The following CAST variants were observed in gnomAD, a reference collection of about 807,000 sequenced individuals.
CAST encodes calpastatin, also known as MIR583 host.
In CAST, 76 loss-of-function variants were observed where a neutral mutation model predicts 119.6. That is an observed-to-expected ratio of 0.64 (90% confidence interval 0.53 to 0.77). CAST has a LOEUF of 0.77. CAST is among the 30% of genes least tolerant of loss of function. The pLI is 0.00. For synonymous variants in CAST, 319 were observed against 331.6 expected, an observed-to-expected ratio of 0.96 and a Z score of 0.41; for missense variants, 953 against 946.5, an observed-to-expected ratio of 1.01 and a Z score of -0.09.
chr5:95,985,255 A>G, the CAST span, among the ~76,000 whole-genome samples: 1 of 152,334 alleles, frequency 6.6e-6, no homozygotes, highest in African/African-American at 2.4e-5. Context: ...TCAAGGCTGC[A>G]GTGAGCTGTG....
chr5:96,559,308 T>C (rs1746309083), intron 1 of CAST, among the ~76,000 whole-genome samples: 1 of 152,178 alleles, frequency 6.6e-6, no homozygotes, highest in Non-Finnish European at 1.5e-5. Context: ...AAGACAGGGA[T>C]GTCCTCTCTC....
the CAST span, among the ~76,000 whole-genome samples, chr5:95,997,275 A>C: frequency 2.2e-4 from 33 of 152,234 alleles, no homozygotes; most frequent in East Asian, 6.0e-3. Context: ...CTTTATCTAG[A>C]ACTTTAATGC....
chr5:96,167,501 C>T, the CAST span, among the ~76,000 whole-genome samples: 2 of 152,072 alleles, frequency 1.3e-5, no homozygotes, highest in Admixed American at 6.6e-5. Flanking sequence ...AGGACAGGCC[C>T]GAATTCTGAG....
chr5:96,132,313 G>A, the CAST span, among the ~76,000 whole-genome samples: 1 of 152,004 alleles, frequency 6.6e-6, no homozygotes, highest in East Asian at 1.9e-4. Flanking sequence ...TATTTATGGG[G>A]TATATGTGAT....
intron 28 of CAST, 63 bp downstream of exon 28, chr5:96,767,545 G>A (rs1770434681): frequency 1.5e-6 from 2 of 1,337,480 alleles, no homozygotes; most frequent in African/African-American, 1.5e-5. Flanking sequence ...GGGGTATTTG[G>A]CATTTTAGAA....
upstream of CAST, among the ~76,000 whole-genome samples, chr5:96,521,365 G>A (rs1745516179): frequency 6.6e-6 from 1 of 152,070 alleles, no homozygotes; most frequent in East Asian, 1.9e-4. Flanking sequence ...ACCTTACCAG[G>A]TCCCCAGTCC....
chr5:96,279,503 A>G, the CAST span, among the ~76,000 whole-genome samples: 16 of 152,198 alleles, frequency 1.1e-4, no homozygotes, highest in Admixed American at 1.0e-3. Context: ...ATGTTTGACC[A>G]TGGTCCTAAG....
intron 3 of CAST, among the ~76,000 whole-genome samples, chr5:96,706,124 G>C (rs1754916406): frequency 6.6e-6 from 1 of 152,242 alleles, no homozygotes; most frequent in East Asian, 1.9e-4. Flanking sequence ...AATATGAATA[G>C]AGCCCTAAGA....
intron 1 of CAST, among the ~76,000 whole-genome samples, chr5:96,595,603 G>A (rs1387962638): frequency 6.6e-6 from 1 of 152,188 alleles, no homozygotes; most frequent in Non-Finnish European, 1.5e-5. Flanking sequence ...AAGAAGCAGA[G>A]ACAGTGATGG....
the CAST span, among the ~76,000 whole-genome samples, chr5:96,240,692 T>C: frequency 2.0e-5 from 3 of 150,994 alleles, no homozygotes; most frequent in Admixed American, 1.3e-4. Flanking sequence ...GCTTTCTGAG[T>C]GGCTGGGACC....
At chr5:96,236,091 G>GTCTC in the CAST span, among the ~76,000 whole-genome samples, 3 of 77,068 alleles carry the variant, frequency 3.9e-5, no homozygotes, top group South Asian at 1.4e-3. Context: ...ATGTCTGTCT[G>GTCTC]TCTATCTGTC....
the CAST span, among the ~76,000 whole-genome samples, chr5:96,296,570 G>T: frequency 6.6e-6 from 1 of 152,122 alleles, no homozygotes; most frequent in Middle Eastern, 3.2e-3. Context: ...ATAGGTCTTT[G>T]CTATTTTTGT....
chr5:96,611,761 A>C (rs1266891918), intron 1 of CAST, among the ~76,000 whole-genome samples: 1 of 151,876 alleles, frequency 6.6e-6, no homozygotes, highest in East Asian at 1.9e-4. Flanking sequence ...ACAAGAAAAA[A>C]CCCATTAAAA....
At chr5:96,097,485 C>G in the CAST span, among the ~76,000 whole-genome samples, 1 of 152,030 alleles carries the variant, frequency 6.6e-6, no homozygotes, top group Non-Finnish European at 1.5e-5. Flanking sequence ...GATTCTTTCC[C>G]TCCTCCCCAC....
chr5:96,142,305 G>A, the CAST span, among the ~76,000 whole-genome samples: 1 of 152,014 alleles, frequency 6.6e-6, no homozygotes, highest in Non-Finnish European at 1.5e-5. Flanking sequence ...CCAGCTACTC[G>A]GGAGGCTGAG....
chr5:95,961,707 C>T, the CAST span: 5 of 1,602,418 alleles, frequency 3.1e-6, no homozygotes, highest in Admixed American at 1.7e-5. Flanking sequence ...GGCCCCCTGT[C>T]CCCCCCGCCG....
intron 1 of CAST, among the ~76,000 whole-genome samples, chr5:96,643,446 T>C (rs34508280): frequency 0.036 from 5,503 of 152,268 alleles, 307 homozygotes; most frequent in East Asian, 0.21. Flanking sequence ...CTAAAGAGTT[T>C]GGAGTTTCTT....
chr5:96,680,076 C>A (rs1449821809), intron 2 of CAST, among the ~76,000 whole-genome samples: 1 of 151,686 alleles, frequency 6.6e-6, no homozygotes. Context: ...CTTGGCCAGG[C>A]GTGGTGGCTC....
the CAST span, among the ~76,000 whole-genome samples, chr5:96,040,481 C>T: frequency 6.6e-6 from 1 of 152,092 alleles, no homozygotes; most frequent in South Asian, 2.1e-4. Context: ...CCAGGTTTTG[C>T]CCATTCAGTA....
Sources: allele counts gnomAD v4.1 joint callset (sites outside exome capture counted in the v4.1 genomes callset), GRCh38; gene constraint gnomAD v4.1.1; transcripts MANE v1.5; gene names NCBI Gene and HGNC (gene_info 2026-07-23, HGNC 2026-07-21).